Variants in NCAM1 observed in about 807,000 individuals in gnomAD.
The protein encoded by NCAM1 is antigen recognized by monoclonal antibody 5.1H11.
A neutral mutation model predicts 109.8 loss-of-function variants in NCAM1; 14 were observed. That is an observed-to-expected ratio of 0.13 (90% confidence interval 0.08 to 0.20). The LOEUF (loss-of-function observed/expected upper bound fraction) is 0.20. Among genes scored for constraint, NCAM1 ranks in the 10% least tolerant of loss-of-function variants. NCAM1 has a pLI of 1.00. For synonymous variants in NCAM1, 418 were observed against 442.9 expected (o/e 0.94, Z 0.70); for missense variants, 774 against 1,109.9 (o/e 0.70, Z 4.30).
At chr11:113,097,388 C>T (rs1742579085) in intron 1 of NCAM1, among the ~76,000 whole-genome samples, 1 of 152,182 alleles carries the variant, frequency 6.6e-6, no homozygotes, top group Admixed American at 6.5e-5. Context: ...CAAGACTTAA[C>T]AGAAAGATGG....
At chr11:112,971,407 C>T (rs1565356340) in intron 1 of NCAM1, among the ~76,000 whole-genome samples, 1 of 151,752 alleles carries the variant, frequency 6.6e-6, no homozygotes, top group Admixed American at 6.6e-5. Flanking sequence ...AGTAAGAGTA[C>T]GTCAGAAGGT....
At chr11:113,094,553 C>T (rs1939506692) in intron 1 of NCAM1, among the ~76,000 whole-genome samples, 1 of 152,162 alleles carries the variant, frequency 6.6e-6, no homozygotes. Context: ...TCCTGCATTT[C>T]TCACTCCTCC....
At chr11:113,056,473 T>C (rs187794558) in intron 1 of NCAM1, among the ~76,000 whole-genome samples, 21 of 152,350 alleles carry the variant, frequency 1.4e-4, no homozygotes, top group Admixed American at 3.9e-4. Context: ...TTACACATTG[T>C]ATTCAGCCAT....
rs1946330107 is a variant in NCAM1, at chr11:113,273,334, C to T, written c.2456+1458C>T. 1.2e-5 allele frequency: 4 copies of T among 341,158 alleles called. No individual in the cohort carries two copies. The highest frequency in any genetic ancestry group is 7.7e-5 in the East Asian group (1 of 12,936). The allele number at this position is 341,158 out of a possible 1,614,324, so 21.1% of individuals were successfully genotyped here. ...GTCGGGGAGGCCTCTAAGGCTCCTC[C>T]GGCCAGCAAGCCCACCCCTGCACCA... is the stretch of plus-strand genomic sequence containing the variant. On this transcript the variant is annotated intron_variant, in intron 19 of 19. Transcript: ENST00000316851. This position sits in a 1 kb window ranked among gnomAD's most constrained non-coding sequence, Gnocchi z 6.0.
chr11:113,072,568 A>G (rs1186798407), intron 1 of NCAM1, among the ~76,000 whole-genome samples: 1 of 152,162 alleles, frequency 6.6e-6, no homozygotes, highest in Non-Finnish European at 1.5e-5. Flanking sequence ...TAGATTTCTC[A>G]TACATTACCT....
At chr11:113,207,409 G>A (rs199831399) in intron 6 of NCAM1, 31 bp downstream of exon 6, 509 of 1,554,464 alleles carry the variant, frequency 3.3e-4, no homozygotes, top group Non-Finnish European at 3.9e-4. Flanking sequence ...TTTTATCATG[G>A]ACTAGAGGAG....
At chr11:112,997,914 C>T (rs1028868091) in intron 1 of NCAM1, among the ~76,000 whole-genome samples, 4 of 152,120 alleles carry the variant, frequency 2.6e-5, no homozygotes, top group Non-Finnish European at 5.9e-5. Flanking sequence ...TCTTTTCCCA[C>T]GAAGACACTT....
intron 1 of NCAM1, among the ~76,000 whole-genome samples, chr11:113,029,772 G>A: frequency 6.6e-6 from 1 of 152,134 alleles, no homozygotes; most frequent in East Asian, 1.9e-4. Context: ...TTAATTTAAT[G>A]GAATGTTTCA....
intron 8 of NCAM1, 103 bp from the exon 9 acceptor site, chr11:113,221,188 TAAAGA>T: frequency 8.8e-7 from 1 of 1,134,490 alleles, no homozygotes. Flanking sequence ...AGTTCTGAAT[TAAAGA>T]AAAGCTGCAT....
At chr11:113,237,642 A>G (rs567519255) in intron 14 of NCAM1, among the ~76,000 whole-genome samples, 213 of 152,308 alleles carry the variant, frequency 1.4e-3, no homozygotes, top group Non-Finnish European at 2.3e-3. Flanking sequence ...TTGTGGTTCA[A>G]CTGAGTCTCC....
In NCAM1 at chr11:113,072,370, G is replaced by T. The variant is rs527929665; in HGVS notation, c.52+110706G>T. 5.1e-4 allele frequency among the ~76,000 whole-genome samples: 78 copies of T among 152,282 alleles called. 2 individuals carry two copies. In the South Asian group the frequency reaches 0.016, roughly 31 times the overall value. ...GAAATGGTAGTTTCAGATAAATGTG[G>T]TATAATGAATGCAACAAATGTTTAT... is the stretch of plus-strand genomic sequence containing the variant. On this transcript the variant is annotated intron_variant, in intron 1 of 19. Transcript: ENST00000316851.
Position 113,256,148 on chromosome 11 carries a change from G to A in NCAM1, c.1953+147G>A, listed in dbSNP as rs1186206607. The A allele has an allele frequency of 7.3e-6, 8 of 1,092,954 alleles. No individual in the cohort carries two copies. In the East Asian group the frequency reaches 1.3e-4, roughly 18 times the overall value. The allele number at this position is 1,092,954 out of a possible 1,614,324, so 67.7% of individuals were successfully genotyped here. On this transcript the variant is annotated intron_variant, in intron 16 of 19. Coordinates refer to ENST00000316851, the MANE Select transcript of NCAM1 (RefSeq NM_181351.5). Reference sequence around the variant, plus strand: ...AGGTGGCCCATGGGCCCTGGCCATGGCTTAAAATCCCAAGACAGCCCTACA... The same window carrying A: ...AGGTGGCCCATGGGCCCTGGCCATGACTTAAAATCCCAAGACAGCCCTACA...
intron 14 of NCAM1, chr11:113,243,462 C>T (rs1945402216): frequency 6.8e-6 from 3 of 442,854 alleles, no homozygotes; most frequent in Non-Finnish European, 9.3e-6. Flanking sequence ...TCCAGGCTCC[C>T]CTTGGGTTGA....
intron 1 of NCAM1, among the ~76,000 whole-genome samples, chr11:113,162,071 A>G (rs1555104480): frequency 6.6e-6 from 1 of 152,138 alleles, no homozygotes; most frequent in East Asian, 1.9e-4. Context: ...ACAAACAAAC[A>G]AGCAATTATG....
At chr11:113,193,660 A>G (rs1744282530) in intron 1 of NCAM1, among the ~76,000 whole-genome samples, 1 of 151,440 alleles carries the variant, frequency 6.6e-6, no homozygotes, top group Non-Finnish European at 1.5e-5. Flanking sequence ...AGGAAGAAAA[A>G]GAAAAAAAGA....
intron 1 of NCAM1, among the ~76,000 whole-genome samples, chr11:113,062,677 A>G (rs116466325): frequency 1.3e-5 from 2 of 152,126 alleles, no homozygotes; most frequent in African/African-American, 4.8e-5. Context: ...CTATGTAAAA[A>G]ATTTAAAGTT....
chr11:113,242,905 C>A, intron 14 of NCAM1: 5 of 1,612,530 alleles, frequency 3.1e-6, no homozygotes, highest in Non-Finnish European at 4.2e-6. Context: ...GTAGAGCCGA[C>A]TTCTAGATTA....
intron 1 of NCAM1, among the ~76,000 whole-genome samples, chr11:112,999,037 A>G (rs1951674981): frequency 6.6e-6 from 1 of 152,172 alleles, no homozygotes; most frequent in South Asian, 2.1e-4. Context: ...TAAACTACAG[A>G]TTAGGTCCCA....
At chr11:113,265,476 C>T (rs950742440) in intron 17 of NCAM1, among the ~76,000 whole-genome samples, 1 of 152,164 alleles carries the variant, frequency 6.6e-6, no homozygotes, top group Admixed American at 6.5e-5. Flanking sequence ...TGGGGCCACA[C>T]TCTGAGCCAA....
Sources: allele counts gnomAD v4.1 joint callset (sites outside exome capture counted in the v4.1 genomes callset), GRCh38; gene constraint gnomAD v4.1.1; non-coding constraint Gnocchi (gnomAD v3.1); transcripts MANE v1.5; gene names NCBI Gene and HGNC (gene_info 2026-07-23, HGNC 2026-07-21).